The following PCDH15 variants were observed in gnomAD, a reference collection of about 807,000 sequenced individuals.
PCDH15 encodes protocadherin-15.
A neutral mutation model predicts 178.5 loss-of-function variants in PCDH15; 129 were observed. That is an observed-to-expected ratio of 0.72 (90% CI 0.63 to 0.84). PCDH15 has a LOEUF of 0.84. Among genes scored for constraint, PCDH15 ranks in the 40% least tolerant of loss-of-function variants. PCDH15 has a pLI of 0.00. For synonymous variants in PCDH15, 800 were observed against 732.0 expected, an observed-to-expected ratio of 1.09 and a Z score of -1.50; for missense variants, 2,230 against 2,099.9, an observed-to-expected ratio of 1.06 and a Z score of -1.21.
Position 54,889,689 on chromosome 10 carries a change from T to C in PCDH15, c.-29+7761A>G, listed in dbSNP as rs377461255. Among the ~76,000 whole-genome samples, 12 of 151,476 alleles carry C rather than the reference T, an allele frequency of 7.9e-5. 1 individual carries two copies. The South Asian group carries it at 2.3e-3, about 29-fold the overall frequency. ...TGAGATGATACTTTATCTATAATAA[T>C]GTAGGTCATAAAAATGTTTCTAATA... On this transcript the variant is annotated intron_variant, in intron 3 of 5. Transcript: ENST00000458638.
chr10:55,330,229 C>G (rs1373829756), intron 2 of PCDH15, among the ~76,000 whole-genome samples: 1 of 151,648 alleles, frequency 6.6e-6, no homozygotes, highest in Non-Finnish European at 1.5e-5. Context: ...TGTTTGCATT[C>G]AAGGATCATG....
chr10:54,526,859 A>G (rs1025751043), intron 3 of PCDH15, among the ~76,000 whole-genome samples: 2 of 152,196 alleles, frequency 1.3e-5, no homozygotes, highest in Non-Finnish European at 2.9e-5. Flanking sequence ...ATGAAGAAGT[A>G]ACTGATGCAG....
At chr10:54,721,333 G>C (rs1158976051) in intron 1 of PCDH15, among the ~76,000 whole-genome samples, 2 of 151,522 alleles carry the variant, frequency 1.3e-5, no homozygotes, top group Non-Finnish European at 3.0e-5. Context: ...ACTAGAAAAA[G>C]GACAAACCAG....
intron 18 of PCDH15, among the ~76,000 whole-genome samples, chr10:54,026,132 G>C (rs1158233498): frequency 6.6e-6 from 1 of 150,478 alleles, no homozygotes; most frequent in Non-Finnish European, 1.5e-5. Context: ...GCAGTGGTGT[G>C]ATCTAGGCTC....
chr10:54,534,708 T>C (rs11004353), intron 2 of PCDH15, among the ~76,000 whole-genome samples: 13,654 of 152,254 alleles, frequency 0.09, 1,008 homozygotes, highest in East Asian at 0.36. Flanking sequence ...GAAGGTACTG[T>C]GTTCTCTTTA....
intron 2 of PCDH15, among the ~76,000 whole-genome samples, chr10:54,986,142 G>A (rs1013197318): frequency 1.3e-5 from 2 of 152,004 alleles, no homozygotes; most frequent in African/African-American, 4.8e-5. Flanking sequence ...GTGCAATCTT[G>A]GAAATGTGCT....
At chr10:54,492,596 G>T (rs1353439209) in intron 3 of PCDH15, among the ~76,000 whole-genome samples, 3 of 152,062 alleles carry the variant, frequency 2.0e-5, no homozygotes, top group Admixed American at 2.0e-4. Context: ...CAAGTCATAA[G>T]TTTCAAATTG....
At chr10:55,095,586 T>G (rs1434766446) in intron 2 of PCDH15, among the ~76,000 whole-genome samples, 2 of 152,082 alleles carry the variant, frequency 1.3e-5, no homozygotes, top group Non-Finnish European at 2.9e-5. Flanking sequence ...GTAGAGGTTT[T>G]GGAAGAATTG....
At chr10:54,602,998 A>G (rs1937414) in intron 2 of PCDH15, among the ~76,000 whole-genome samples, 143,890 of 152,056 alleles carry the variant, frequency 0.95, 68,249 homozygotes, top group Middle Eastern at 0.98. Context: ...GTGTTCCATC[A>G]TCTAGATTTT....
At chr10:54,927,213 G>C (rs1485245574) in intron 2 of PCDH15, among the ~76,000 whole-genome samples, 1 of 151,982 alleles carries the variant, frequency 6.6e-6, no homozygotes, top group African/African-American at 2.4e-5. Flanking sequence ...CTTAGAATCA[G>C]GTTATTGCAT....
chr10:54,890,243 G>T (rs11815300), intron 3 of PCDH15, among the ~76,000 whole-genome samples: 34,145 of 151,778 alleles, frequency 0.22, 4,525 homozygotes, highest in Non-Finnish European at 0.31. Flanking sequence ...TAGCTGTAAT[G>T]GCTTTGCATA....
At chr10:54,446,840 G>C (rs1033066908) in intron 3 of PCDH15, among the ~76,000 whole-genome samples, 1 of 151,464 alleles carries the variant, frequency 6.6e-6, no homozygotes, top group Non-Finnish European at 1.5e-5. Flanking sequence ...CTGATGTACT[G>C]TTTCTTTGTC....
At chr10:54,083,653 A>G (rs937407344) in intron 16 of PCDH15, among the ~76,000 whole-genome samples, 1 of 152,162 alleles carries the variant, frequency 6.6e-6, no homozygotes, top group Admixed American at 6.6e-5. Context: ...CAATTGCTAA[A>G]TGGGTTCAGG....
intron 2 of PCDH15, among the ~76,000 whole-genome samples, chr10:54,547,718 A>T (rs2133108285): frequency 6.6e-6 from 1 of 152,234 alleles, no homozygotes; most frequent in South Asian, 2.1e-4. Context: ...TATTTGTATT[A>T]TGAACAAAGA....
At chr10:54,939,494 CAAAAAAAAAAAAAAA>C (rs71014430) in intron 2 of PCDH15, among the ~76,000 whole-genome samples, 4 of 26,684 alleles carry the variant, frequency 1.5e-4, no homozygotes, top group Middle Eastern at 0.071. Flanking sequence ...GACTCCGTCT[CAAAAAAAAAAAAAAA>C]AAAAAAAAAA....
At chr10:53,887,654 C>T (rs1284442288) in intron 26 of PCDH15, among the ~76,000 whole-genome samples, 3 of 152,076 alleles carry the variant, frequency 2.0e-5, no homozygotes, top group African/African-American at 2.4e-5. Flanking sequence ...TTTGGGAGGC[C>T]GAGGCGGGCG....
At chr10:54,576,959 C>A (rs1007508457) in intron 2 of PCDH15, among the ~76,000 whole-genome samples, 1 of 151,472 alleles carries the variant, frequency 6.6e-6, no homozygotes, top group African/African-American at 2.4e-5. Context: ...TTTTTTTTTA[C>A]TGGAAGTCTT....
At chr10:54,420,492 A>G (rs1955100765) in intron 3 of PCDH15, among the ~76,000 whole-genome samples, 1 of 152,150 alleles carries the variant, frequency 6.6e-6, no homozygotes, top group Non-Finnish European at 1.5e-5. Flanking sequence ...GAGTACAGAT[A>G]TAAATGATGA....
At chr10:54,241,516 G>C (rs2055294749) in intron 8 of PCDH15, among the ~76,000 whole-genome samples, 1 of 152,068 alleles carries the variant, frequency 6.6e-6, no homozygotes, top group Admixed American at 6.5e-5. Flanking sequence ...ACAAATTTTT[G>C]TTATCAAGTC....
Sources: allele counts gnomAD v4.1 joint callset (sites outside exome capture counted in the v4.1 genomes callset), GRCh38; gene constraint gnomAD v4.1.1; transcripts MANE v1.5; gene names NCBI Gene and HGNC (gene_info 2026-07-23, HGNC 2026-07-21).